TRIM33: variants seen among roughly 807,000 people sequenced by gnomAD.
TRIM33 encodes the protein E3 ubiquitin-protein ligase TRIM33.
In TRIM33, 20 loss-of-function variants were observed where a neutral mutation model predicts 125.4. The observed-to-expected ratio is 0.16, with a 90% confidence interval of 0.11 to 0.23. TRIM33 has a LOEUF of 0.23. Among genes scored for constraint, TRIM33 ranks in the 10% least tolerant of loss-of-function variants. The pLI, the probability that TRIM33 is intolerant of heterozygous loss-of-function variation, is 1.00. For missense variants in TRIM33, 920 were observed against 1,411.4 expected (o/e 0.65, Z 5.58); for synonymous variants, 564 against 513.9 (o/e 1.10, Z -1.32).
intron 4 of TRIM33, among the ~76,000 whole-genome samples, chr1:114,449,994 T>C (rs747051229): frequency 1.3e-5 from 2 of 152,222 alleles, no homozygotes; most frequent in Admixed American, 6.5e-5. Flanking sequence ...CATTCTCTAA[T>C]GGCTTTCCAA....
Position 114,429,897 on chromosome 1 carries a change from C to T in TRIM33, c.1155+901G>A, listed in dbSNP as rs141585385. On this transcript the variant is annotated intron_variant, in intron 6 of 19. Coordinates refer to ENST00000358465, the MANE Select transcript of TRIM33 (RefSeq NM_015906.4). The stretch of plus-strand genomic sequence containing the variant: ...GAAATTTGCTAAAAATAAATCAAAT[C>T]GGCAGTGGAGACTTTGATTAAAAAT... Among the ~76,000 whole-genome samples the T allele has an allele frequency of 9.7e-4, 148 of 152,142 alleles. 1 individual carries two copies. The highest frequency in any genetic ancestry group is 1.3e-3 in the Admixed American group (20 of 15,264).
At chr1:114,488,182 C>T (rs1651833522) in intron 1 of TRIM33, among the ~76,000 whole-genome samples, 1 of 152,012 alleles carries the variant, frequency 6.6e-6, no homozygotes, top group African/African-American at 2.4e-5. Context: ...CAAAGCACTC[C>T]AAAAACTATA....
intron 1 of TRIM33, among the ~76,000 whole-genome samples, chr1:114,475,154 G>T (rs1196630800): frequency 6.6e-6 from 1 of 152,074 alleles, no homozygotes; most frequent in Non-Finnish European, 1.5e-5. Context: ...ACAAAAGAGA[G>T]GCTCACTACC....
Position 114,474,451 on chromosome 1 carries a change from G to A in TRIM33, c.527-10063C>T, listed in dbSNP as rs146694290. Among the ~76,000 whole-genome samples, 48 of 151,350 alleles carry A rather than the reference G, an allele frequency of 3.2e-4. No individual in the cohort carries two copies. The East Asian group carries it at 8.6e-3, about 27-fold the overall frequency. On this transcript the variant is annotated intron_variant, in intron 1 of 19. Coordinates refer to ENST00000358465, the MANE Select transcript of TRIM33 (RefSeq NM_015906.4). ...AAGCCAGGTGTGGTGGTATTTGCCT[G>A]CAGGCCCAGTTACTTAAGAGGCTGA...
intron 1 of TRIM33, among the ~76,000 whole-genome samples, chr1:114,495,417 C>A (rs1376578009): frequency 2.0e-5 from 3 of 151,984 alleles, no homozygotes; most frequent in Admixed American, 2.0e-4. Flanking sequence ...ATATTATCAC[C>A]CTGAAATAAT....
intron 4 of TRIM33, among the ~76,000 whole-genome samples, chr1:114,441,568 G>A (rs1456189027): frequency 6.6e-6 from 1 of 152,140 alleles, no homozygotes. Context: ...TCAAAGATAG[G>A]AACTAGGCAT....
chr1:114,454,218 G>A (rs1039516219), intron 4 of TRIM33, among the ~76,000 whole-genome samples: 2 of 152,146 alleles, frequency 1.3e-5, no homozygotes, highest in African/African-American at 2.4e-5. Flanking sequence ...GAGGGAGGAT[G>A]AGAAGGTGGG....
intron 4 of TRIM33, among the ~76,000 whole-genome samples, chr1:114,461,271 ATATT>A (rs1258506219): frequency 1.2e-4 from 17 of 145,010 alleles, no homozygotes; most frequent in Admixed American, 9.1e-4. Context: ...TATATATTAT[ATATT>A]TATTATTATT....
In TRIM33 at chr1:114,397,586, TGTG is replaced by T. The variant is rs1278248767; in HGVS notation, c.*59_*61del. 3.6e-5 allele frequency: 45 copies of T among 1,235,130 alleles called. No homozygotes were observed. The highest frequency in any genetic ancestry group is 3.4e-4 in the South Asian group (25 of 72,546). The allele number at this position is 1,235,130 out of a possible 1,614,324, so 76.5% of individuals were successfully genotyped here. On this transcript the variant is annotated 3_prime_UTR_variant, in exon 20 of 20. Coordinates refer to ENST00000358465, the MANE Select transcript of TRIM33 (RefSeq NM_015906.4). ...ACACTTAAAAGTTTTCTGGGTTTTT[TGTG>T]TTTTTTTTTTTTTTTTCGTTTTTTT...
chr1:114,511,062 T>C lies in TRIM33; in HGVS notation c.15A>G (p.Lys5=). 1 of 1,293,708 alleles carries C rather than the reference T, an allele frequency of 7.7e-7. No homozygotes were observed. 80.1% of individuals were successfully genotyped at this position (1,293,708 alleles called of 1,614,324 possible). The change falls in exon 1 of 20, where the codon AAA becomes AAG. Residue 5 remains lysine (K), a synonymous_variant. Transcript: ENST00000358465. ...CGCCGCTCTCAGCCTCGCCGCCGCC[T>C]TTGTTTTCCGCCATGTTTTCCTCTT... MAEN[K]GGGEAESGGG... is the part of the protein sequence containing the mutation.
intron 6 of TRIM33, 130 bp from the exon 7 acceptor site, chr1:114,428,024 T>A: frequency 1.1e-6 from 1 of 911,204 alleles, no homozygotes; most frequent in Middle Eastern, 3.0e-4. Flanking sequence ...TCCATGATTA[T>A]TTAGCAAGCC....
At chr1:114,427,580 C>T (rs1477043846) in intron 7 of TRIM33, among the ~76,000 whole-genome samples, 168 bp downstream of exon 7, 1 of 151,978 alleles carries the variant, frequency 6.6e-6, no homozygotes, top group African/African-American at 2.4e-5. Context: ...TTAGTGGCTG[C>T]CTAGTGGAAT....
Position 114,427,261 on chromosome 1 carries a change from G to A in TRIM33, c.1336C>T (p.Arg446Trp). ...TFQLRHILKARCDPVPAANGA... is the reference protein window; with the variant it reads ...TFQLRHILKAWCDPVPAANGA... ...TTAGCAGCAGGGACAGGATCACACC[G>A]TGCTTTCAAAATATGACGCAACTGG... Residue 446 changes from arginine (R) to tryptophan (W), a missense_variant, in exon 8 of 20, where the codon CGG (arginine) becomes TGG (tryptophan). Around this residue, in one of 8 missense-constraint regions of TRIM33, gnomAD observed 407 missense variants for 589.7 expected, o/e 0.69. Coordinates refer to ENST00000358465, the MANE Select transcript of TRIM33 (RefSeq NM_015906.4). 1 of 1,594,430 alleles carries A rather than the reference G, an allele frequency of 6.3e-7. No homozygotes were observed. Among genetic ancestry groups the A allele is most frequent in the Non-Finnish European group, 8.6e-7 (1 of 1,167,870 alleles).
At chr1:114,481,697 A>G (rs1192447554) in intron 1 of TRIM33, among the ~76,000 whole-genome samples, 1 of 150,640 alleles carries the variant, frequency 6.6e-6, no homozygotes, top group Non-Finnish European at 1.5e-5. Context: ...ATATGTGTGT[A>G]TATATATATT....
chr1:114,448,489 T>C (rs975646578), intron 4 of TRIM33, among the ~76,000 whole-genome samples: 37 of 152,334 alleles, frequency 2.4e-4, no homozygotes, highest in African/African-American at 8.7e-4. Flanking sequence ...ATGTGACCTA[T>C]TGGTATCATT....
rs1361983982 is a variant in TRIM33, at chr1:114,393,704, T to G, written c.*3944A>C. 4.7e-6 allele frequency: 1 copy of G among 213,818 alleles called. No homozygotes were observed. Among genetic ancestry groups the G allele is most frequent in the African/African-American group, 2.3e-5 (1 of 44,256 alleles). The allele number at this position is 213,818 out of a possible 1,614,324, so 13.2% of individuals were successfully genotyped here. A position where few individuals can be genotyped will look rare whatever the true frequency, so the allele number is the denominator to read the frequency against. On this transcript the variant is annotated 3_prime_UTR_variant, in exon 20 of 20. Coordinates refer to ENST00000358465, the MANE Select transcript of TRIM33 (RefSeq NM_015906.4). ...TCAAGAGTACGTGTTGAATCTGAAA[T>G]GTCTATGTAAACTGTGGCATATAAA...
intron 10 of TRIM33, among the ~76,000 whole-genome samples, chr1:114,422,175 T>G (rs1337179444): frequency 6.6e-6 from 1 of 152,196 alleles, no homozygotes. Context: ...AGGGCTGTTA[T>G]GAGGATCATT....
chr1:114,488,534 C>T (rs1287536917), intron 1 of TRIM33, among the ~76,000 whole-genome samples: 4 of 152,124 alleles, frequency 2.6e-5, no homozygotes, highest in African/African-American at 4.8e-5. Flanking sequence ...GAGGCTGAGG[C>T]GGGAGGACCG....
chr1:114,403,710 G>C (rs549609696), intron 15 of TRIM33, among the ~76,000 whole-genome samples: 2 of 152,190 alleles, frequency 1.3e-5, no homozygotes, highest in African/African-American at 4.8e-5. Context: ...GCTAATTTTT[G>C]TAATATTTGT....
Sources: allele counts gnomAD v4.1 joint callset (sites outside exome capture counted in the v4.1 genomes callset), GRCh38; gene constraint gnomAD v4.1.1; regional missense constraint gnomAD v4.1.1; transcripts MANE v1.5; gene names NCBI Gene and HGNC (gene_info 2026-07-23, HGNC 2026-07-21).